Variants in PTPRM observed in about 807,000 individuals in gnomAD.
PTPRM encodes receptor-type tyrosine-protein phosphatase mu.
A neutral mutation model predicts 186.7 loss-of-function variants in PTPRM; 47 were observed. The ratio of observed to expected loss-of-function variants is 0.25; its 90% CI spans 0.20 to 0.32. PTPRM has a LOEUF of 0.32. Ranked by LOEUF, PTPRM falls within the 10% of genes least tolerant of loss-of-function variation. The pLI is 1.00. For missense variants in PTPRM, 1,494 were observed against 1,865.0 expected, an observed-to-expected ratio of 0.80 and a Z score of 3.66; for synonymous variants, 668 against 674.9, an observed-to-expected ratio of 0.99 and a Z score of 0.16.
chr18:7,714,772 A>G (rs147651897), intron 1 of PTPRM, among the ~76,000 whole-genome samples: 4,040 of 152,292 alleles, frequency 0.027, 173 homozygotes, highest in African/African-American at 0.092. Flanking sequence ...TCTAGAAGAA[A>G]TGGATAAATT....
At chr18:8,022,733 A>G (rs1199724134) in intron 7 of PTPRM, among the ~76,000 whole-genome samples, 1 of 152,154 alleles carries the variant, frequency 6.6e-6, no homozygotes, top group Non-Finnish European at 1.5e-5. Flanking sequence ...GCAATACAGA[A>G]TAAGGCCTGT....
chr18:8,157,467 G>C (rs748852386), intron 14 of PTPRM, among the ~76,000 whole-genome samples: 2 of 152,120 alleles, frequency 1.3e-5, no homozygotes, highest in African/African-American at 2.4e-5. Flanking sequence ...TCATTTCTTT[G>C]TACCCAAAGA....
intron 7 of PTPRM, among the ~76,000 whole-genome samples, chr18:8,024,200 T>C (rs2085414796): frequency 6.6e-6 from 1 of 152,212 alleles, no homozygotes; most frequent in African/African-American, 2.4e-5. Context: ...TCTGCTTCTT[T>C]TAGTATCAGT....
intron 7 of PTPRM, among the ~76,000 whole-genome samples, chr18:8,068,832 G>A (rs1782391436): frequency 1.3e-5 from 2 of 152,168 alleles, no homozygotes; most frequent in Non-Finnish European, 2.9e-5. Flanking sequence ...GGGTGTGGTG[G>A]CACACGCCTG....
chr18:7,989,112 T>G lies in PTPRM; in HGVS notation c.1132+33698T>G, dbSNP rs1332304333. On this transcript the variant is annotated intron_variant, in intron 7 of 32. Coordinates refer to ENST00000580170, the MANE Select transcript of PTPRM (RefSeq NM_001105244.2). ...ATAGGTAAGTTGTAAATTCACTCTA[T>G]ATTTGTTTTTGTGGCTATTACATTT... Among the ~76,000 whole-genome samples, 8 of 152,328 alleles carry G rather than the reference T, an allele frequency of 5.3e-5. No individual in the cohort carries two copies. The East Asian group carries it at 1.5e-3, about 29-fold the overall frequency.
At chr18:8,019,422 A>G (rs1770339063) in intron 7 of PTPRM, among the ~76,000 whole-genome samples, 9 of 152,206 alleles carry the variant, frequency 5.9e-5, no homozygotes. Context: ...GTGTTCTTCT[A>G]CACAATTGAC....
At chr18:7,868,669 C>G (rs1216805159) in intron 2 of PTPRM, among the ~76,000 whole-genome samples, 1 of 152,224 alleles carries the variant, frequency 6.6e-6, no homozygotes, top group Non-Finnish European at 1.5e-5. Flanking sequence ...TCATGAGGCA[C>G]AGGGGTCAGG....
chr18:8,296,860 A>G (rs2095102404), intron 20 of PTPRM, among the ~76,000 whole-genome samples: 1 of 152,222 alleles, frequency 6.6e-6, no homozygotes, highest in Non-Finnish European at 1.5e-5. Context: ...TCCTGTGGAC[A>G]CTGGGTTAGG....
intron 1 of PTPRM, among the ~76,000 whole-genome samples, chr18:7,593,126 A>C (rs1247566457): frequency 6.6e-6 from 1 of 152,216 alleles, no homozygotes; most frequent in Non-Finnish European, 1.5e-5. Context: ...CTTAGTTAAT[A>C]ATTGCTGGTG....
chr18:8,398,132 C>G (rs1389900625), intron 32 of PTPRM, among the ~76,000 whole-genome samples: 2 of 152,032 alleles, frequency 1.3e-5, no homozygotes, highest in African/African-American at 2.4e-5. Flanking sequence ...GCAACCATGC[C>G]TGGCTGGTTT....
At chr18:7,714,276 A>G (rs1385924088) in intron 1 of PTPRM, among the ~76,000 whole-genome samples, 1 of 152,240 alleles carries the variant, frequency 6.6e-6, no homozygotes, top group African/African-American at 2.4e-5. Flanking sequence ...TACTGGGTAC[A>G]TAATGAAATT....
chr18:7,928,685 T>C (rs974885085), intron 5 of PTPRM, among the ~76,000 whole-genome samples: 6 of 152,146 alleles, frequency 3.9e-5, no homozygotes, highest in African/African-American at 9.7e-5. Flanking sequence ...CTATATTAAG[T>C]CTAGAGAATA....
chr18:8,164,581 T>A (rs546977314), intron 14 of PTPRM, among the ~76,000 whole-genome samples: 2 of 152,182 alleles, frequency 1.3e-5, no homozygotes, highest in South Asian at 4.1e-4. Flanking sequence ...TCATGCTACA[T>A]GAAATAAGCC....
chr18:7,772,029 C>T, intron 1 of PTPRM, among the ~76,000 whole-genome samples: 1 of 152,212 alleles, frequency 6.6e-6, no homozygotes, highest in East Asian at 1.9e-4. Flanking sequence ...AATGGACCAG[C>T]ACCCTGTCTG....
chr18:8,367,653 C>A (rs1325735472), intron 23 of PTPRM, among the ~76,000 whole-genome samples: 3 of 152,342 alleles, frequency 2.0e-5, no homozygotes, highest in Admixed American at 6.5e-5. Flanking sequence ...ACAGCCAGCC[C>A]GAGAGGGCCC....
chr18:8,276,466 T>C (rs2094836627), intron 19 of PTPRM, among the ~76,000 whole-genome samples: 1 of 152,160 alleles, frequency 6.6e-6, no homozygotes, highest in Non-Finnish European at 1.5e-5. Context: ...TAGTACCAGG[T>C]AGTGGACTTC....
intron 13 of PTPRM, among the ~76,000 whole-genome samples, chr18:8,124,728 G>A (rs1390051934): frequency 2.0e-5 from 3 of 152,162 alleles, no homozygotes; most frequent in Non-Finnish European, 4.4e-5. Flanking sequence ...CGGTGTGACA[G>A]CTCTGAACAT....
At chr18:7,770,542 T>C (rs1249258744) in intron 1 of PTPRM, among the ~76,000 whole-genome samples, 1 of 152,248 alleles carries the variant, frequency 6.6e-6, no homozygotes, top group East Asian at 1.9e-4. Context: ...TTATATTTGC[T>C]GTCTGATTTA....
At chr18:8,157,090 T>G (rs11872351) in intron 14 of PTPRM, among the ~76,000 whole-genome samples, 2,167 of 152,224 alleles carry the variant, frequency 0.014, 45 homozygotes, top group African/African-American at 0.05. Flanking sequence ...GTGGAGACCC[T>G]GGGGACAGCT....
Sources: allele counts gnomAD v4.1 joint callset (sites outside exome capture counted in the v4.1 genomes callset), GRCh38; gene constraint gnomAD v4.1.1; transcripts MANE v1.5; gene names NCBI Gene and HGNC (gene_info 2026-07-23, HGNC 2026-07-21).